FGF14: variants seen among roughly 807,000 people sequenced by gnomAD.
The protein encoded by FGF14 is fibroblast growth factor homologous factor 4.
A neutral mutation model predicts 25.5 loss-of-function variants in FGF14; 5 were observed. The ratio of observed to expected loss-of-function variants is 0.20; its 90% CI spans 0.10 to 0.41. The LOEUF is 0.41. Among genes scored for constraint, FGF14 ranks in the 10% least tolerant of loss-of-function variants. FGF14 has a pLI of 1.00. For synonymous variants in FGF14, 138 were observed against 118.3 expected (o/e 1.17, Z -1.08); for missense variants, 222 against 320.1 (o/e 0.69, Z 2.34).
At chr13:102,221,534 A>G (rs1446282497) in intron 1 of FGF14, among the ~76,000 whole-genome samples, 2 of 152,174 alleles carry the variant, frequency 1.3e-5, no homozygotes, top group South Asian at 2.1e-4. Context: ...AGGAGACCGC[A>G]TATAATAGAA....
intron 1 of FGF14, among the ~76,000 whole-genome samples, chr13:102,311,640 G>A (rs2055773270): frequency 6.6e-6 from 1 of 152,088 alleles, no homozygotes; most frequent in Non-Finnish European, 1.5e-5. Flanking sequence ...AGAGATTAAG[G>A]GTCAGGCAAA....
At chr13:102,017,263 C>A (rs1361776114) in intron 1 of FGF14, among the ~76,000 whole-genome samples, 1 of 152,076 alleles carries the variant, frequency 6.6e-6, no homozygotes, top group Non-Finnish European at 1.5e-5. Context: ...CCCTAGACTG[C>A]TAAAGTATAT....
At chr13:102,401,417 G>C in intron 1 of FGF14, 1 of 1,537,300 alleles carries the variant, frequency 6.5e-7, no homozygotes, top group South Asian at 1.1e-5. Context: ...AGCTCGATGA[G>C]CAACAGACAG....
chr13:102,041,125 T>C (rs906075519), intron 1 of FGF14, among the ~76,000 whole-genome samples: 5 of 152,066 alleles, frequency 3.3e-5, no homozygotes, highest in African/African-American at 7.2e-5. Flanking sequence ...TTGTACCTAT[T>C]TGCCAATCTG....
intron 3 of FGF14, among the ~76,000 whole-genome samples, chr13:101,862,972 GA>G (rs1185827712): frequency 6.6e-6 from 1 of 151,970 alleles, no homozygotes; most frequent in Non-Finnish European, 1.5e-5. Context: ...ATAATCGTGG[GA>G]TAAATGTATA....
At chr13:101,778,843 A>G (rs571628990) in intron 3 of FGF14, 3 of 146,374 alleles carry the variant, frequency 2.0e-5, no homozygotes, top group East Asian at 4.5e-4. Flanking sequence ...TCTGAAGCCA[A>G]TTGTTTTTGT....
At chr13:101,767,257 C>T (rs897774092) in intron 3 of FGF14, among the ~76,000 whole-genome samples, 2 of 152,128 alleles carry the variant, frequency 1.3e-5, no homozygotes, top group South Asian at 2.1e-4. Flanking sequence ...TTGTCACCAT[C>T]GCTGCCTTTG....
At chr13:101,879,355 G>GA (rs1243838647) in intron 1 of FGF14, among the ~76,000 whole-genome samples, 4 of 151,916 alleles carry the variant, frequency 2.6e-5, no homozygotes, top group African/African-American at 9.7e-5. Context: ...TACATATCAA[G>GA]AAAAAAAGAT....
chr13:101,963,633 T>C (rs1165931624), intron 1 of FGF14, among the ~76,000 whole-genome samples: 5 of 152,242 alleles, frequency 3.3e-5, no homozygotes, highest in Non-Finnish European at 5.9e-5. Flanking sequence ...ATCCATGATA[T>C]GAATGCATTT....
At chr13:101,723,202 T>C (rs1464913966) in intron 4 of FGF14, 3 of 536,164 alleles carry the variant, frequency 5.6e-6, no homozygotes, top group East Asian at 7.0e-5. Context: ...TGAGTGTGCA[T>C]GGATTTTTGT....
At chr13:102,276,482 A>G (rs1024598224) in intron 1 of FGF14, among the ~76,000 whole-genome samples, 7 of 151,528 alleles carry the variant, frequency 4.6e-5, no homozygotes, top group African/African-American at 1.7e-4. Context: ...AACTTTCTTA[A>G]TGTTCATTGC....
intron 1 of FGF14, among the ~76,000 whole-genome samples, chr13:102,216,678 G>A (rs1457220114): frequency 2.6e-5 from 4 of 151,958 alleles, no homozygotes; most frequent in South Asian, 2.1e-4. Context: ...AAACCTTTCC[G>A]ATAGCTATTT....
intron 1 of FGF14, among the ~76,000 whole-genome samples, chr13:101,891,128 C>G (rs1220665095): frequency 1.3e-5 from 2 of 152,172 alleles, no homozygotes; most frequent in East Asian, 3.9e-4. Context: ...TCATAATTCA[C>G]ATCTTTTGTG....
At chr13:102,172,856 T>C (rs889078568) in intron 1 of FGF14, among the ~76,000 whole-genome samples, 5 of 152,174 alleles carry the variant, frequency 3.3e-5, no homozygotes, top group African/African-American at 1.2e-4. Context: ...GCACACCTGG[T>C]TAACCTACCA....
chr13:101,909,219 A>G (rs1244873926), intron 1 of FGF14, among the ~76,000 whole-genome samples: 1 of 152,230 alleles, frequency 6.6e-6, no homozygotes, highest in Admixed American at 6.5e-5. Flanking sequence ...AGCAATGGCA[A>G]CAAAAGCCAA....
At chr13:102,321,561 C>T (rs114682376) in intron 1 of FGF14, among the ~76,000 whole-genome samples, 1,917 of 152,084 alleles carry the variant, frequency 0.013, 38 homozygotes, top group African/African-American at 0.043. Context: ...CTTTTCCATA[C>T]TCTATTGTTT....
At chr13:102,193,400 A>C (rs1322504505) in intron 1 of FGF14, among the ~76,000 whole-genome samples, 1 of 152,228 alleles carries the variant, frequency 6.6e-6, no homozygotes, top group Non-Finnish European at 1.5e-5. Context: ...GAACACAATA[A>C]GGACTTTGAA....
At chr13:101,796,842 G>C (rs993838912) in intron 3 of FGF14, among the ~76,000 whole-genome samples, 3 of 152,026 alleles carry the variant, frequency 2.0e-5, no homozygotes, top group African/African-American at 7.2e-5. Flanking sequence ...GGCAGCCCTA[G>C]CAGACAAAAA....
At chr13:102,101,678 A>G (rs2044668971) in intron 1 of FGF14, among the ~76,000 whole-genome samples, 1 of 152,082 alleles carries the variant, frequency 6.6e-6, no homozygotes, top group Non-Finnish European at 1.5e-5. Context: ...GTACTAATGA[A>G]TGCTCAACAT....
Sources: allele counts gnomAD v4.1 joint callset (sites outside exome capture counted in the v4.1 genomes callset), GRCh38; gene constraint gnomAD v4.1.1; transcripts MANE v1.5; gene names NCBI Gene and HGNC (gene_info 2026-07-23, HGNC 2026-07-21).